Variants in PRRC2B observed in about 807,000 individuals in gnomAD.
The protein encoded by PRRC2B is proline rich coiled-coil 2B, also known as protein PRRC2B.
A neutral mutation model predicts 242.3 loss-of-function variants in PRRC2B; 68 were observed. That is an observed-to-expected ratio of 0.28 (90% CI 0.23 to 0.34). The LOEUF (loss-of-function observed/expected upper bound fraction) is 0.34, where lower values mean the gene tolerates loss of function less well. PRRC2B is among the 10% of genes least tolerant of loss of function. The pLI, the probability that PRRC2B is intolerant of heterozygous loss-of-function variation, is 1.00. For synonymous variants in PRRC2B, 1,228 were observed against 1,173.6 expected, an observed-to-expected ratio of 1.05 and a Z score of -0.95; for missense variants, 2,835 against 2,954.8, an observed-to-expected ratio of 0.96 and a Z score of 0.94.
At position 131,487,047 on chromosome 9, in the gene PRRC2B, C is replaced by A; in HGVS notation, c.5857-120C>A. 3.6e-6 allele frequency: 3 copies of A among 830,390 alleles called. No individual in the cohort carries two copies. The highest frequency in any genetic ancestry group is 2.7e-5 in the East Asian group (1 of 37,432). The allele number at this position is 830,390 out of a possible 1,614,324, so 51.4% of individuals were successfully genotyped here. ...GGGAAGCCCAGGAATGACATGCTGGCATTTGAATTTTGGGCAGTGTTCCAG... is the reference window on the plus strand; with the variant it reads ...GGGAAGCCCAGGAATGACATGCTGGAATTTGAATTTTGGGCAGTGTTCCAG... On this transcript the variant is annotated intron_variant, in intron 26 of 31. Coordinates refer to ENST00000683519, the MANE Select transcript of PRRC2B (RefSeq NM_013318.4). The surrounding 1 kb of genome is among the most constrained non-coding windows in gnomAD (Gnocchi z 5.3).
intron 1 of PRRC2B, among the ~76,000 whole-genome samples, chr9:131,426,627 G>A (rs1017158556): frequency 2.6e-5 from 4 of 152,158 alleles, no homozygotes; most frequent in Non-Finnish European, 5.9e-5. Context: ...GATTGGGCAC[G>A]TGGGACTGAC....
intron 19 of PRRC2B, among the ~76,000 whole-genome samples, chr9:131,480,223 C>CT (rs1180867015): frequency 2.0e-5 from 3 of 152,244 alleles, no homozygotes; most frequent in East Asian, 3.8e-4. Flanking sequence ...ACCCGAGACA[C>CT]TGAGTTCTGG....
chr9:131,449,712 T>A (rs1199488610), intron 9 of PRRC2B, among the ~76,000 whole-genome samples: 4 of 152,224 alleles, frequency 2.6e-5, no homozygotes, highest in Non-Finnish European at 4.4e-5. Flanking sequence ...TTTTAAACAC[T>A]GTTTTGGTGA....
intron 1 of PRRC2B, among the ~76,000 whole-genome samples, chr9:131,378,566 C>T (rs376701380): frequency 2.0e-5 from 3 of 152,176 alleles, no homozygotes; most frequent in South Asian, 2.1e-4. Flanking sequence ...TTTTCCCAAG[C>T]GCTCAGCCTC....
chr9:131,465,770 C>T (rs4316192), intron 12 of PRRC2B, among the ~76,000 whole-genome samples: 134,622 of 152,214 alleles, frequency 0.88, 59,992 homozygotes, highest in South Asian at 0.97. Flanking sequence ...CTTTCTGTCA[C>T]CCAGGTTGGA....
chr9:131,488,149 C>G, intron 28 of PRRC2B, 53 bp downstream of exon 28: 1 of 1,545,898 alleles, frequency 6.5e-7, no homozygotes, highest in Non-Finnish European at 8.7e-7. Flanking sequence ...CCTTCACGAC[C>G]TTGCCTTTTC....
In PRRC2B at chr9:131,476,434, G is replaced by A; in HGVS notation, c.4305G>A (p.Leu1435=). 1.9e-6 allele frequency: 3 copies of A among 1,612,664 alleles called. No homozygotes were observed. Among genetic ancestry groups the A allele is most frequent in the Non-Finnish European group, 2.5e-6 (3 of 1,179,448 alleles). Reference sequence around the variant, plus strand: ...TGGTTGACAGACAGAGCCGAAAGCTGGAGCCGGGAGGGTTTGGGGAGAAGC... The same window carrying A: ...TGGTTGACAGACAGAGCCGAAAGCTAGAGCCGGGAGGGTTTGGGGAGAAGC... ...RPVVDRQSRK[L]EPGGFGEKPV... Residue 1435 remains leucine (L), a synonymous_variant, in exon 16 of 32, where the codon CTG becomes CTA. Coordinates refer to ENST00000683519, the MANE Select transcript of PRRC2B (RefSeq NM_013318.4).
chr9:131,467,757 AAC>A lies in PRRC2B; in HGVS notation c.1911+6_1911+7del. 6.2e-7 allele frequency: 1 copy of A among 1,613,812 alleles called. No individual in the cohort carries two copies. Among genetic ancestry groups the A allele is most frequent in the Non-Finnish European group, 8.5e-7 (1 of 1,179,782 alleles). On this transcript the variant is annotated splice_donor_5th_base_variant and intron_variant, in intron 13 of 31. Coordinates refer to ENST00000683519, the MANE Select transcript of PRRC2B (RefSeq NM_013318.4). ...CCAGCAGCAGCAACAACAGCAGGTA[AAC>A]AGATGAGATGGTAAAAGACTGTGAT... is the stretch of plus-strand genomic sequence containing the variant.
chr9:131,425,808 T>C (rs1837961003), intron 1 of PRRC2B, among the ~76,000 whole-genome samples: 1 of 151,412 alleles, frequency 6.6e-6, no homozygotes, highest in African/African-American at 2.4e-5. Flanking sequence ...TTTTAAGTAA[T>C]ATTTATATAA....
At chr9:131,381,887 G>C (rs995862636) in intron 1 of PRRC2B, among the ~76,000 whole-genome samples, 1 of 151,184 alleles carries the variant, frequency 6.6e-6, no homozygotes, top group African/African-American at 2.4e-5. Flanking sequence ...CTACGGGCAC[G>C]TACCACCATG....
chr9:131,428,356 G>A (rs901490289), intron 1 of PRRC2B, among the ~76,000 whole-genome samples: 1 of 152,058 alleles, frequency 6.6e-6, no homozygotes, highest in Admixed American at 6.6e-5. Flanking sequence ...AAGTACCTGG[G>A]GCTACAGGTG....
rs1212340871 is a variant in PRRC2B at position 131,482,796 on chromosome 9, G to A, written c.5262G>A (p.Ser1754=). The part of the protein sequence containing the change: ...NERSLKNRKG[S]EGAERLQGAV... ...GTTCTCTGAAAAACAGAAAGGGCTC[G>A]GAGGGGGCCGAGCGGCTGCAAGGGG... Residue 1754 remains serine (S), a synonymous_variant, in exon 22 of 32, where the codon TCG becomes TCA. Transcript: ENST00000683519. The surrounding 1 kb of genome is among the most constrained non-coding windows in gnomAD (Gnocchi z 5.2). The A allele has an allele frequency of 8.7e-6, 14 of 1,610,742 alleles. No individual in the cohort carries two copies. Among genetic ancestry groups the A allele is most frequent in the African/African-American group, 1.3e-5 (1 of 74,882 alleles).
At chr9:131,407,785 G>T (rs1837404902) in intron 1 of PRRC2B, among the ~76,000 whole-genome samples, 2 of 152,236 alleles carry the variant, frequency 1.3e-5, no homozygotes, top group Non-Finnish European at 2.9e-5. Flanking sequence ...CCAGTTCTGA[G>T]AAGCTGTGGT....
Position 131,446,390 on chromosome 9 carries a change from T to G in PRRC2B, c.614-11T>G, listed in dbSNP as rs748187118. On this transcript the variant is annotated splice_polypyrimidine_tract_variant and intron_variant, in intron 6 of 31. Coordinates refer to ENST00000683519, the MANE Select transcript of PRRC2B (RefSeq NM_013318.4). The surrounding 1 kb of genome is among the most constrained non-coding windows in gnomAD (Gnocchi z 4.1). ...CTTCCCTCTCCCCTTTTGCCCCCTT[T>G]CAATTTCCAGATGTGACAAGCTGGA... is the stretch of plus-strand genomic sequence containing the variant. 6.2e-7 allele frequency: 1 copy of G among 1,613,384 alleles called. No homozygotes were observed. Among genetic ancestry groups the G allele is most frequent in the Admixed American group, 1.7e-5 (1 of 60,002 alleles).
intron 1 of PRRC2B, among the ~76,000 whole-genome samples, chr9:131,404,565 G>A (rs779657347): frequency 1.1e-4 from 16 of 145,304 alleles, no homozygotes; most frequent in African/African-American, 1.5e-4. Flanking sequence ...GCTCAGGGAG[G>A]TATAAAGGCT....
intron 1 of PRRC2B, among the ~76,000 whole-genome samples, chr9:131,379,624 A>AT (rs34113422): frequency 0.34 from 43,364 of 127,960 alleles, 7,791 homozygotes; most frequent in East Asian, 0.4. Flanking sequence ...TCCTTGGTCC[A>AT]TTTTTTTTTT....
intron 4 of PRRC2B, among the ~76,000 whole-genome samples, chr9:131,438,490 C>T (rs903420227): frequency 2.6e-5 from 4 of 152,150 alleles, no homozygotes; most frequent in East Asian, 1.9e-4. Context: ...TGTAGAGTCA[C>T]GGTCACTACA....
intron 1 of PRRC2B, among the ~76,000 whole-genome samples, chr9:131,407,455 C>T (rs995634066): frequency 4.6e-5 from 7 of 152,122 alleles, no homozygotes; most frequent in South Asian, 2.1e-4. Flanking sequence ...CACAGCTTGG[C>T]GTACCTGGGA....
intron 2 of PRRC2B, among the ~76,000 whole-genome samples, chr9:131,432,195 C>T (rs747895369): frequency 6.6e-6 from 1 of 152,170 alleles, no homozygotes; most frequent in Non-Finnish European, 1.5e-5. Flanking sequence ...TCATGAATGT[C>T]GAAGGGCTCC....
Sources: gnomAD v4.1 joint callset for allele counts (sites outside exome capture counted in the v4.1 genomes callset) on GRCh38, gnomAD v4.1.1 for gene constraint, Gnocchi (gnomAD v3.1) non-coding constraint, MANE v1.5 for transcripts, NCBI Gene and HGNC (gene_info 2026-07-23, HGNC 2026-07-21) for gene names.